INTS3: variants seen among roughly 807,000 people sequenced by gnomAD.
The protein encoded by INTS3 is integrator complex subunit 3.
INTS3 carries 34 observed loss-of-function variants against 146.3 expected under a neutral mutation model. That is an observed-to-expected ratio of 0.23 (90% CI 0.18 to 0.31). The LOEUF is 0.31. Among genes scored for constraint, INTS3 ranks in the 10% least tolerant of loss-of-function variants. The pLI, the probability that INTS3 is intolerant of heterozygous loss-of-function variation, is 1.00. For synonymous variants in INTS3, 475 were observed against 494.9 expected, an observed-to-expected ratio of 0.96 and a Z score of 0.53; for missense variants, 757 against 1,304.2, an observed-to-expected ratio of 0.58 and a Z score of 6.46.
intron 1 of INTS3, among the ~76,000 whole-genome samples, chr1:153,739,540 G>A (rs181914926): frequency 5.8e-4 from 87 of 149,738 alleles, no homozygotes; most frequent in African/African-American, 2.1e-3. Context: ...CTCCATGTTC[G>A]TCAGGCTGGT....
In INTS3 at chr1:153,728,672, C is replaced by G; in HGVS notation, c.38C>G (p.Ala13Gly). The change falls in exon 1 of 30, where the codon GCA (alanine) becomes GGA (glycine). Residue 13 changes from alanine (A) to glycine (G), a missense_variant. By Grantham distance (60) the Ala-to-Gly change is moderately conservative. Transcript: ENST00000318967. ...LQKGKGAAAA[A>G]AASGAAGGGG... ...AAGGGAAAAGGGGCGGCAGCAGCAG[C>G]AGCTGCTTCGGGAGCAGCGGGAGGT... 1.2e-6 allele frequency: 2 copies of G among 1,605,658 alleles called. No individual in the cohort carries two copies. Among genetic ancestry groups the G allele is most frequent in the Non-Finnish European group, 1.7e-6 (2 of 1,177,310 alleles).
intron 1 of INTS3, among the ~76,000 whole-genome samples, chr1:153,730,928 G>A (rs563904562): frequency 2.0e-5 from 3 of 152,136 alleles, no homozygotes; most frequent in African/African-American, 7.2e-5. Flanking sequence ...TTCTTCCTCT[G>A]GGTCTCCCCA....
intron 15 of INTS3, 147 bp from the exon 16 acceptor site, chr1:153,763,086 T>G (rs1272858634): frequency 3.5e-6 from 4 of 1,129,882 alleles, no homozygotes; most frequent in Non-Finnish European, 5.2e-6. Flanking sequence ...ATGTGCACAG[T>G]CAGGGAGATG....
At chr1:153,746,841 G>A (rs974746954) in intron 3 of INTS3, 116 bp from the exon 4 acceptor site, 34 of 648,642 alleles carry the variant, frequency 5.2e-5, no homozygotes, top group Middle Eastern at 4.0e-4. Flanking sequence ...ATTGCTACTC[G>A]GTGTCTTATT....
intron 4 of INTS3, 75 bp from the exon 5 acceptor site, chr1:153,747,204 C>T (rs2101798340): frequency 7.2e-7 from 1 of 1,380,772 alleles, no homozygotes; most frequent in South Asian, 1.2e-5. Flanking sequence ...GTGCTCCTTT[C>T]AGTTGTAATT....
chr1:153,747,424 C>T (rs1487863884), intron 5 of INTS3, 61 bp downstream of exon 5: 1 of 1,265,670 alleles, frequency 7.9e-7, no homozygotes, highest in African/African-American at 1.5e-5. Flanking sequence ...TACATAGAGA[C>T]AATGGAGAAT....
intron 8 of INTS3, chr1:153,753,655 CTTT>C (rs1156512014): frequency 6.7e-5 from 9 of 133,960 alleles, no homozygotes; most frequent in Admixed American, 1.5e-4. Flanking sequence ...AGGCAGGTCT[CTTT>C]TTTTTTTTTT....
chr1:153,765,623 G>T (rs190920347), intron 20 of INTS3, among the ~76,000 whole-genome samples: 2 of 151,672 alleles, frequency 1.3e-5, no homozygotes, highest in African/African-American at 4.8e-5. Flanking sequence ...AGGCTGGAGT[G>T]CAGTGGTACA....
chr1:153,770,283 C>T lies in INTS3; in HGVS notation c.2475C>T (p.Ile825=), dbSNP rs765144661. 4 of 1,611,800 alleles carry T rather than the reference C, an allele frequency of 2.5e-6. No individual in the cohort carries two copies. Among genetic ancestry groups the T allele is most frequent in the Middle Eastern group, 3.3e-4 (2 of 6,052 alleles). The change falls in exon 24 of 30, where the codon ATC becomes ATT. Residue 825 remains isoleucine (I), a synonymous_variant. Coordinates refer to ENST00000318967, the MANE Select transcript of INTS3 (RefSeq NM_023015.5). ...ACAATATTCCCCTGGAGACCATAAT[C>T]CCCATCCTGCAGCACCTCAAATACA... ...LAHNIPLETI[I]PILQHLKYKE...
intron 1 of INTS3, among the ~76,000 whole-genome samples, chr1:153,733,490 C>T (rs754468212): frequency 3.3e-5 from 5 of 151,674 alleles, no homozygotes; most frequent in East Asian, 1.9e-4. Flanking sequence ...GGATTACAGG[C>T]GTGAGCCACC....
chr1:153,730,708 T>C (rs1326143432), intron 1 of INTS3, among the ~76,000 whole-genome samples: 1 of 152,148 alleles, frequency 6.6e-6, no homozygotes, highest in Non-Finnish European at 1.5e-5. Context: ...TCCAACTGTT[T>C]CCAGGGAAAA....
chr1:153,740,565 T>G, intron 1 of INTS3, 86 bp from the exon 2 acceptor site: 2 of 983,046 alleles, frequency 2.0e-6, no homozygotes, highest in Admixed American at 1.7e-5. Flanking sequence ...CATGATCAGG[T>G]TTGAATTGTT....
chr1:153,773,022 C>T lies in INTS3; in HGVS notation c.2992C>T (p.Arg998Ter), dbSNP rs1216054335. 1.9e-6 allele frequency: 3 copies of T among 1,614,018 alleles called. No individual in the cohort carries two copies. The highest frequency in any genetic ancestry group is 2.2e-5 in the East Asian group (1 of 44,888). Residue 998 changes from arginine to a stop codon, truncating the protein, a stop_gained, in exon 29 of 30, where the codon CGA (arginine) becomes TGA (stop). Transcript: ENST00000318967. LOFTEE classifies it high-confidence loss of function. ...RKAALSSPRS[R>*]KNATQPPNAE... ...AGCAGCTCTGTCCAGCCCTCGAAGT[C>T]GAAAGAATGCCACACAGCCCCCCAA...
At chr1:153,764,796 G>A (rs1231667540) in intron 19 of INTS3, 62 bp downstream of exon 19, 3 of 1,524,444 alleles carry the variant, frequency 2.0e-6, no homozygotes, top group East Asian at 2.2e-5. Context: ...GCACACACAT[G>A]TGCTCCTGTC....
In INTS3 at chr1:153,733,197, C is replaced by CTTTTTTTTT. The variant is rs60492889; in HGVS notation, c.150+4437_150+4445dup. On this transcript the variant is annotated intron_variant, in intron 1 of 29. Coordinates refer to ENST00000318967, the MANE Select transcript of INTS3 (RefSeq NM_023015.5). ...CATAGGGAGCAGTATTTACCGAATGCTTTTTTTTTTTTTTTTTTTTTTTTT... is the reference window on the plus strand; with the variant it reads ...CATAGGGAGCAGTATTTACCGAATGCTTTTTTTTTTTTTTTTTTTTTTTTTTTTTTTTTT... Among the ~76,000 whole-genome samples the CTTTTTTTTT allele has an allele frequency of 4.7e-5, 2 of 42,728 alleles. 1 individual carries two copies. The highest frequency in any genetic ancestry group is 8.3e-5 in the Non-Finnish European group (2 of 24,164). The allele number at this position is 42,728 out of a possible 152,430, so 28.0% of individuals were successfully genotyped here.
In INTS3 at chr1:153,772,286, C is replaced by T. The variant is rs570422090; in HGVS notation, c.2721-54C>T. 36 of 1,580,240 alleles carry T rather than the reference C, an allele frequency of 2.3e-5. No homozygotes were observed. In the East Asian group the frequency reaches 6.5e-4, roughly 29 times the overall value. ...GGGCCCTGGCGGGTGGAGGGTGTCT[C>T]GCACTCTGGAACCCTCCCACACTCA... is the stretch of plus-strand genomic sequence containing the variant. On this transcript the variant is annotated intron_variant, in intron 26 of 29. Transcript: ENST00000318967. The surrounding 1 kb of genome is among the most constrained non-coding windows in gnomAD (Gnocchi z 4.6).
rs147237979 is a variant in INTS3 at position 153,738,305 on chromosome 1, G to A, written c.151-2346G>A. On this transcript the variant is annotated intron_variant, in intron 1 of 29. Coordinates refer to ENST00000318967, the MANE Select transcript of INTS3 (RefSeq NM_023015.5). ...ATAGAGATGGGGGTCTCCCTATATT[G>A]CCCAGGCTGGTCTCGAGCTCCTGGG... 3.9e-5 allele frequency among the ~76,000 whole-genome samples: 6 copies of A among 152,140 alleles called. 1 individual carries two copies. The East Asian group carries it at 1.2e-3, about 29-fold the overall frequency.
At chr1:153,745,188 T>G (rs1415588621) in intron 3 of INTS3, among the ~76,000 whole-genome samples, 1 of 145,140 alleles carries the variant, frequency 6.9e-6, no homozygotes, top group East Asian at 2.1e-4. Flanking sequence ...AGACAGGGTG[T>G]CTCTGTCACC....
intron 24 of INTS3, 66 bp from the exon 25 acceptor site, chr1:153,770,619 G>T: frequency 7.4e-7 from 1 of 1,347,770 alleles, no homozygotes. Context: ...GGGGATGAGA[G>T]AGGTCCCCAG....
Sources: gnomAD v4.1 joint callset for allele counts (sites outside exome capture counted in the v4.1 genomes callset) on GRCh38, gnomAD v4.1.1 for gene constraint, Gnocchi (gnomAD v3.1) non-coding constraint, MANE v1.5 for transcripts, NCBI Gene and HGNC (gene_info 2026-07-23, HGNC 2026-07-21) for gene names.